COL4A4: variants seen among roughly 807,000 people sequenced by gnomAD.
The protein encoded by COL4A4 is collagen alpha-4(IV) chain.
COL4A4 carries 105 observed loss-of-function variants against 192.9 expected under a neutral mutation model. The ratio of observed to expected loss-of-function variants is 0.54; its 90% confidence interval spans 0.46 to 0.64. The LOEUF (loss-of-function observed/expected upper bound fraction) is 0.64. COL4A4 is among the 30% of genes least tolerant of loss of function. The pLI, the probability that COL4A4 is intolerant of heterozygous loss-of-function variation, is 0.00. For missense variants in COL4A4, 1,967 were observed against 2,169.3 expected, an observed-to-expected ratio of 0.91 and a Z score of 1.85; for synonymous variants, 762 against 769.9, an observed-to-expected ratio of 0.99 and a Z score of 0.17.
intron 37 of COL4A4, among the ~76,000 whole-genome samples, chr2:227,038,517 T>A (rs929077132): frequency 6.6e-6 from 1 of 152,240 alleles, no homozygotes; most frequent in Non-Finnish European, 1.5e-5. Flanking sequence ...TCTGGCTTTA[T>A]TCTTTTTGTT....
rs750240403 is a variant in COL4A4 at position 227,161,545 on chromosome 2, CTGTT to C, written c.-102+2458_-102+2461del. On this transcript the variant is annotated intron_variant, in intron 1 of 47. Transcript: ENST00000396625. The stretch of plus-strand genomic sequence containing the variant: ...AAGCCTTCCAGTTAATTAACACCAC[CTGTT>C]TGTTTGACAGGTGAGCCTGTCAAAC... Among the ~76,000 whole-genome samples, 9 of 152,082 alleles carry C rather than the reference CTGTT, an allele frequency of 5.9e-5. No individual in the cohort carries two copies. The South Asian group carries it at 6.2e-4, about 11-fold the overall frequency.
At chr2:227,064,321 C>T (rs532930286) in intron 25 of COL4A4, among the ~76,000 whole-genome samples, 48 of 152,002 alleles carry the variant, frequency 3.2e-4, no homozygotes, top group African/African-American at 1.2e-3. Flanking sequence ...TTTCAGAGCT[C>T]AAAGACAAGG....
chr2:226,997,181 T>A, the COL4A4 span: 3 of 152,218 alleles, frequency 2.0e-5, no homozygotes, highest in Non-Finnish European at 4.4e-5. Context: ...TTTGGTTAAT[T>A]TATAACTGAT....
chr2:227,066,783 C>A (rs1200938133), intron 25 of COL4A4, among the ~76,000 whole-genome samples: 2 of 151,660 alleles, frequency 1.3e-5, no homozygotes, highest in Non-Finnish European at 2.9e-5. Context: ...TAAAGACCAT[C>A]GAGACTAGGA....
chr2:227,022,509 G>A lies in COL4A4; in HGVS notation c.4091-336C>T, dbSNP rs925971110. 5 of 562,760 alleles carry A rather than the reference G, an allele frequency of 8.9e-6. No individual in the cohort carries two copies. The highest frequency in any genetic ancestry group is 1.4e-5 in the Non-Finnish European group (4 of 279,158). 34.9% of individuals were successfully genotyped at this position (562,760 alleles called of 1,614,324 possible). ...ACCCTCACAGGATTGCCCAATCTCTGGGCCATTTTTTACTGGAGTAGCAGC... is the reference window on the plus strand; with the variant it reads ...ACCCTCACAGGATTGCCCAATCTCTAGGCCATTTTTTACTGGAGTAGCAGC... On this transcript the variant is annotated intron_variant, in intron 43 of 47. Coordinates refer to ENST00000396625, the MANE Select transcript of COL4A4 (RefSeq NM_000092.5).
Position 227,121,099 on chromosome 2 carries a change from G to A in COL4A4, c.242C>T (p.Ala81Val), listed in dbSNP as rs747022394. Residue 81 changes from alanine (A) to valine (V), a missense_variant, in exon 5 of 48, where the codon GCC (alanine) becomes GTC (valine). Ala to Val is a moderately conservative substitution (Grantham distance 64). Coordinates refer to ENST00000396625, the MANE Select transcript of COL4A4 (RefSeq NM_000092.5). The part of the protein sequence containing the change: ...GPQGPIGPLG[A>V]PGPIGLSGEK... ...TCCTGAAAGCCCAATGGGTCCTGGG[G>A]CTCCCAGGGGTCCAATTGGACCCTG... is the stretch of plus-strand genomic sequence containing the variant. 2.5e-6 allele frequency: 4 copies of A among 1,614,110 alleles called. No individual in the cohort carries two copies. Among genetic ancestry groups the A allele is most frequent in the Non-Finnish European group, 2.5e-6 (3 of 1,179,974 alleles).
intron 4 of COL4A4, among the ~76,000 whole-genome samples, chr2:227,126,423 C>T (rs78996279): frequency 0.024 from 3,625 of 152,286 alleles, 132 homozygotes; most frequent in African/African-American, 0.082. Flanking sequence ...CAGAGTACAA[C>T]TTCACACCAT....
At chr2:226,991,486 G>T in the COL4A4 span, among the ~76,000 whole-genome samples, 1 of 152,160 alleles carries the variant, frequency 6.6e-6, no homozygotes, top group African/African-American at 2.4e-5. Flanking sequence ...AGCCCATTTT[G>T]TATATCTCTT....
intron 42 of COL4A4, 93 bp from the exon 43 acceptor site, chr2:227,025,903 A>G (rs1966845560): frequency 8.9e-7 from 1 of 1,128,434 alleles, no homozygotes; most frequent in Non-Finnish European, 1.3e-6. Context: ...CAAAAATGAA[A>G]TAGATTAAGA....
At chr2:227,095,592 G>A (rs2060168029) in intron 19 of COL4A4, among the ~76,000 whole-genome samples, 1 of 152,124 alleles carries the variant, frequency 6.6e-6, no homozygotes, top group Admixed American at 6.5e-5. Flanking sequence ...GCTGTCTTTG[G>A]CTTAAAGATA....
Position 227,027,913 on chromosome 2 carries a change from G to C in COL4A4, c.4070C>G (p.Thr1357Ser). ...GGTTGGAAGCTCACCCGGAAGACCAGTGGGCCCTTTTCTCCCTGGAGGTCC... is the reference window on the plus strand; with the variant it reads ...GGTTGGAAGCTCACCCGGAAGACCACTGGGCCCTTTTCTCCCTGGAGGTCC... ...LPGPPGRKGP[T>S]GLPGPRGEPG... The change falls in exon 42 of 48, where the codon ACT becomes AGT. Residue 1357 changes from threonine to serine, a missense_variant. By Grantham distance (58) the Thr-to-Ser change is moderately conservative. Coordinates refer to ENST00000396625, the MANE Select transcript of COL4A4 (RefSeq NM_000092.5). 1 of 1,612,254 alleles carries C rather than the reference G, an allele frequency of 6.2e-7. No homozygotes were observed. The highest frequency in any genetic ancestry group is 8.5e-7 in the Non-Finnish European group (1 of 1,178,344).
intron 4 of COL4A4, among the ~76,000 whole-genome samples, chr2:227,137,289 G>C (rs1031429217): frequency 2.0e-5 from 3 of 152,204 alleles, no homozygotes; most frequent in Admixed American, 6.5e-5. Context: ...GGAAACCCAG[G>C]CTTGGTCAGA....
In COL4A4 at chr2:227,069,455, C is replaced by T. The variant is rs1459147677; in HGVS notation, c.1988-6857G>A. 1.9e-4 allele frequency among the ~76,000 whole-genome samples: 29 copies of T among 152,246 alleles called. No homozygotes were observed. In the East Asian group the frequency reaches 5.4e-3, roughly 28 times the overall value. On this transcript the variant is annotated intron_variant, in intron 25 of 47. Transcript: ENST00000396625. Reference sequence around the variant, plus strand: ...AACAAAGCCGGAGGCATCACACTACCTGACTTCAAACTATACTACAAGGCT... The same window carrying T: ...AACAAAGCCGGAGGCATCACACTACTTGACTTCAAACTATACTACAAGGCT...
chr2:227,024,982 A>G (rs1012686849), intron 43 of COL4A4, among the ~76,000 whole-genome samples: 1 of 152,262 alleles, frequency 6.6e-6, no homozygotes, highest in Non-Finnish European at 1.5e-5. Context: ...ATTGAAATGA[A>G]AACATCAAAT....
At chr2:227,027,454 A>C (rs1016786216) in intron 42 of COL4A4, among the ~76,000 whole-genome samples, 2 of 143,540 alleles carry the variant, frequency 1.4e-5, no homozygotes, top group Non-Finnish European at 3.0e-5. Context: ...AAGAAGGGGA[A>C]CATCACACAC....
At chr2:227,027,082 CTG>C (rs1432837002) in intron 42 of COL4A4, among the ~76,000 whole-genome samples, 1 of 152,120 alleles carries the variant, frequency 6.6e-6, no homozygotes, top group Admixed American at 6.5e-5. Context: ...TGGTGAAACT[CTG>C]TCTCTATTAA....
chr2:227,008,389 C>T (rs1962694635), intron 46 of COL4A4, 85 bp from the exon 47 acceptor site: 4 of 1,464,180 alleles, frequency 2.7e-6, no homozygotes, highest in Non-Finnish European at 3.8e-6. Context: ...CTGGCCTTTG[C>T]AGATACGTGT....
chr2:227,094,094 T>C, intron 20 of COL4A4, 31 bp downstream of exon 20: 7 of 1,600,488 alleles, frequency 4.4e-6, no homozygotes, highest in Non-Finnish European at 6.0e-6. Flanking sequence ...GCAGCATAAA[T>C]GCTAATGGAT....
chr2:227,018,197 C>T (rs1965302703), intron 44 of COL4A4, among the ~76,000 whole-genome samples: 1 of 152,148 alleles, frequency 6.6e-6, no homozygotes, highest in Non-Finnish European at 1.5e-5. Flanking sequence ...CTGGAATTAA[C>T]CTCTCCCAGT....
Sources: allele counts gnomAD v4.1 joint callset (sites outside exome capture counted in the v4.1 genomes callset), GRCh38; gene constraint gnomAD v4.1.1; transcripts MANE v1.5; gene names NCBI Gene and HGNC (gene_info 2026-07-23, HGNC 2026-07-21).